The following CRYBG3 variants were observed in gnomAD, a reference collection of about 807,000 sequenced individuals.
CRYBG3 encodes the protein very large A-kinase anchor protein.
A neutral mutation model predicts 244.2 loss-of-function variants in CRYBG3; 127 were observed. The ratio of observed to expected loss-of-function variants is 0.52; its 90% confidence interval spans 0.45 to 0.60. The LOEUF is 0.60. Ranked by LOEUF, CRYBG3 falls within the 20% of genes least tolerant of loss-of-function variation. The pLI, the probability that CRYBG3 is intolerant of heterozygous loss-of-function variation, is 0.00. For synonymous variants in CRYBG3, 1,132 were observed against 1,195.8 expected (o/e 0.95, Z 1.10); for missense variants, 3,325 against 3,442.5 (o/e 0.97, Z 0.85).
At chr3:97,871,733 A>T (rs2039304947) in intron 3 of CRYBG3, 109 bp from the exon 4 acceptor site, 1 of 695,476 alleles carries the variant, frequency 1.4e-6, no homozygotes, top group South Asian at 2.6e-5. Flanking sequence ...AAATTGGTAC[A>T]TATTAAGGGA....
chr3:97,910,543 CAG>C (rs1001158630), intron 15 of CRYBG3, among the ~76,000 whole-genome samples: 77 of 152,326 alleles, frequency 5.1e-4, no homozygotes, highest in African/African-American at 1.5e-3. Context: ...TTCTTTGACT[CAG>C]AAAGGGAACT....
rs1251574587 is a variant in CRYBG3 at position 97,906,143 on chromosome 3, T to C, written c.8004+5658T>C. On this transcript the variant is annotated intron_variant, in intron 15 of 21. Coordinates refer to ENST00000389622, the MANE Select transcript of CRYBG3 (RefSeq NM_153605.4). ...ACCAGTACCATACTGTTTTGGTTAC[T>C]GTAGCCTTGTAGTATCGTTTGAAGT... Among the ~76,000 whole-genome samples the C allele has an allele frequency of 2.7e-5, 4 of 149,952 alleles. No individual in the cohort carries two copies. In the East Asian group the frequency reaches 8.0e-4, roughly 30 times the overall value.
rs1298811028 is a variant in CRYBG3, at chr3:97,872,155, C to G, written c.961C>G (p.Pro321Ala). 2 of 1,535,702 alleles carry G rather than the reference C, an allele frequency of 1.3e-6. No homozygotes were observed. Among genetic ancestry groups the G allele is most frequent in the African/African-American group, 1.4e-5 (1 of 72,980 alleles). ...FNKENSLTNNPELQNIASSNN... is the reference protein window; with the variant it reads ...FNKENSLTNNAELQNIASSNN... ...CAAGGAAAATTCTTTGACAAATAAC[C>G]CAGAACTGCAGAATATTGCCTCTTC... Residue 321 changes from proline to alanine, a missense_variant, in exon 4 of 22, where the codon CCA becomes GCA. Around this residue, in one of 4 missense-constraint regions of CRYBG3, gnomAD observed 1,526 missense variants for 1,443.2 expected, o/e 1.06. Coordinates refer to ENST00000389622, the MANE Select transcript of CRYBG3 (RefSeq NM_153605.4).
intron 2 of CRYBG3, among the ~76,000 whole-genome samples, chr3:97,855,209 CT>C (rs1404001312): frequency 6.6e-6 from 1 of 151,916 alleles, no homozygotes; most frequent in Non-Finnish European, 1.5e-5. Flanking sequence ...GGTATATAAT[CT>C]TTTTTATGTG....
Position 97,872,622 on chromosome 3 carries a change from C to G in CRYBG3, c.1428C>G (p.Asp476Glu). The G allele has an allele frequency of 6.5e-7, 1 of 1,535,930 alleles. No individual in the cohort carries two copies. The highest frequency in any genetic ancestry group is 8.7e-7 in the Non-Finnish European group (1 of 1,146,806). The change falls in exon 4 of 22, where the codon GAC (aspartate) becomes GAG (glutamate). Residue 476 changes from aspartate to glutamate, a missense_variant. Physicochemically the swap from Asp to Glu is conservative, Grantham distance 45 (BLOSUM62 2). This residue lies in a region of CRYBG3 where 1,526 missense variants were observed against 1,443.2 expected (regional missense o/e 1.06). Transcript: ENST00000389622. ...HLQLPESECS[D>E]KQTIDSSSKQ... ...AGTTGCCAGAGAGTGAGTGTTCTGACAAGCAAACCATAGATAGCTCATCAA... is the reference window on the plus strand; with the variant it reads ...AGTTGCCAGAGAGTGAGTGTTCTGAGAAGCAAACCATAGATAGCTCATCAA...
At chr3:97,884,175 G>A (rs935373690) in intron 7 of CRYBG3, among the ~76,000 whole-genome samples, 10 of 152,128 alleles carry the variant, frequency 6.6e-5, no homozygotes, top group African/African-American at 2.2e-4. Flanking sequence ...GGATTGACAG[G>A]TATAGCGAAT....
chr3:97,880,966 G>C, intron 6 of CRYBG3, 106 bp from the exon 7 acceptor site: 1 of 782,280 alleles, frequency 1.3e-6, no homozygotes, highest in Middle Eastern at 3.1e-4. Context: ...AATAGTGGAA[G>C]ATATCCCAGC....
At chr3:97,870,815 A>T (rs761603337) in intron 3 of CRYBG3, among the ~76,000 whole-genome samples, 9 of 152,328 alleles carry the variant, frequency 5.9e-5, no homozygotes, top group Admixed American at 2.6e-4. Context: ...AAACAGAAAG[A>T]TGATTAGGAC....
rs111909050 is a variant in CRYBG3 at position 97,883,365 on chromosome 3, A to G, written c.7152+2146A>G. Reference sequence around the variant, plus strand: ...AAAATGACTAGTTAGTTCGTAACTGAACTCTTCTAAGATTTATATCACTTG... The same window carrying G: ...AAAATGACTAGTTAGTTCGTAACTGGACTCTTCTAAGATTTATATCACTTG... On this transcript the variant is annotated intron_variant, in intron 7 of 21. Transcript: ENST00000389622. Among the ~76,000 whole-genome samples, 9 of 152,318 alleles carry G rather than the reference A, an allele frequency of 5.9e-5. 1 individual carries two copies. The highest frequency in any genetic ancestry group is 2.2e-4 in the African/African-American group (9 of 41,574).
chr3:97,843,824 A>T (rs1469422545), intron 2 of CRYBG3, among the ~76,000 whole-genome samples: 3 of 152,166 alleles, frequency 2.0e-5, no homozygotes, highest in Admixed American at 2.0e-4. Flanking sequence ...AAAATCACTA[A>T]ACCTTTTGAT....
chr3:97,874,831 G>A lies in CRYBG3; in HGVS notation c.3637G>A (p.Glu1213Lys), dbSNP rs1357613514. 6.5e-7 allele frequency: 1 copy of A among 1,535,922 alleles called. No homozygotes were observed. Among genetic ancestry groups the A allele is most frequent in the East Asian group, 2.4e-5 (1 of 40,914 alleles). Residue 1213 changes from glutamate to lysine, a missense_variant, in exon 4 of 22, where the codon GAA (glutamate) becomes AAA (lysine). This residue lies in a region of CRYBG3 where 1,526 missense variants were observed against 1,443.2 expected (regional missense o/e 1.06). Coordinates refer to ENST00000389622, the MANE Select transcript of CRYBG3 (RefSeq NM_153605.4). The part of the protein sequence containing the change: ...LIGEIFNSVR[E>K]ELKFKHTVST... ...TGGTGAGATTTTTAATTCTGTCAGG[G>A]AAGAACTAAAATTCAAACACACAGT...
chr3:97,825,214 G>A (rs1430053397), intron 1 of CRYBG3, among the ~76,000 whole-genome samples: 1 of 152,188 alleles, frequency 6.6e-6, no homozygotes, highest in Non-Finnish European at 1.5e-5. Flanking sequence ...AAGGCTCAGA[G>A]AATTTTTGCA....
At chr3:97,871,350 TA>T (rs1426702095) in intron 3 of CRYBG3, among the ~76,000 whole-genome samples, 1 of 152,214 alleles carries the variant, frequency 6.6e-6, no homozygotes, top group Non-Finnish European at 1.5e-5. Flanking sequence ...TGTTTTCATT[TA>T]AAACGTTTCC....
chr3:97,843,393 C>G, intron 2 of CRYBG3, 132 bp downstream of exon 2: 1 of 610,134 alleles, frequency 1.6e-6, no homozygotes, highest in Non-Finnish European at 2.8e-6. Context: ...GAAATCCAGC[C>G]CAACTTTGTC....
Position 97,822,251 on chromosome 3 carries a change from C to T in CRYBG3, c.45C>T (p.Phe15=). Residue 15 remains phenylalanine (F), a synonymous_variant, in exon 1 of 22, where the codon TTC becomes TTT. Coordinates refer to ENST00000389622, the MANE Select transcript of CRYBG3 (RefSeq NM_153605.4). The part of the protein sequence containing the change: ...RRRGSAPWHS[F]SRFFAPRSPS... ...GGGGCAGCGCCCCCTGGCACAGCTT[C>T]TCCCGGTTCTTCGCTCCCCGAAGTC... 1 of 1,531,120 alleles carries T rather than the reference C, an allele frequency of 6.5e-7. No individual in the cohort carries two copies. Among genetic ancestry groups the T allele is most frequent in the South Asian group, 1.2e-5 (1 of 83,410 alleles). 94.8% of individuals were successfully genotyped at this position (1,531,120 alleles called of 1,614,324 possible).
chr3:97,841,618 GAC>G (rs980024736), intron 1 of CRYBG3, among the ~76,000 whole-genome samples: 13 of 152,062 alleles, frequency 8.5e-5, no homozygotes, highest in African/African-American at 2.4e-4. Flanking sequence ...TCCGCTTTGG[GAC>G]AGCCTTTATT....
rs1351323553 is a variant in CRYBG3, at chr3:97,919,590, C to A, written c.8241+3854C>A. ...TTGCTTAACAGTGATTACAAGAAGA[C>A]CTTTTAAGATGAAAAAGATTGAATA... On this transcript the variant is annotated intron_variant, in intron 17 of 21. Coordinates refer to ENST00000389622, the MANE Select transcript of CRYBG3 (RefSeq NM_153605.4). Among the ~76,000 whole-genome samples the A allele has an allele frequency of 2.0e-5, 3 of 151,434 alleles. 1 individual carries two copies. In the East Asian group the frequency reaches 5.8e-4, roughly 29 times the overall value.
chr3:97,891,851 G>A (rs2108232807), intron 10 of CRYBG3, among the ~76,000 whole-genome samples: 1 of 152,216 alleles, frequency 6.6e-6, no homozygotes, highest in South Asian at 2.1e-4. Context: ...AAGCTTCCCT[G>A]GGTGTTTTTC....
rs1046204996 is a variant in CRYBG3 at position 97,876,213 on chromosome 3, G to T, written c.5019G>T (p.Thr1673=). 18 of 1,231,830 alleles carry T rather than the reference G, an allele frequency of 1.5e-5. No homozygotes were observed. Among genetic ancestry groups the T allele is most frequent in the Non-Finnish European group, 1.6e-5 (16 of 987,914 alleles). The allele number at this position is 1,231,830 out of a possible 1,614,324, so 76.3% of individuals were successfully genotyped here. A position where few individuals can be genotyped will look rare whatever the true frequency, so the allele number is the denominator to read the frequency against. The change falls in exon 4 of 22, where the codon ACG becomes ACT. Residue 1673 remains threonine, a synonymous_variant. Coordinates refer to ENST00000389622, the MANE Select transcript of CRYBG3 (RefSeq NM_153605.4). The part of the protein sequence containing the change: ...VTVDMENIYQ[T]HAEGDIGKTG... ...TAGACATGGAAAATATTTACCAAAC[G>T]CATGCTGAAGGGGATATTGGCAAGA... is the stretch of plus-strand genomic sequence containing the variant.
Sources: gnomAD v4.1 joint callset for allele counts (sites outside exome capture counted in the v4.1 genomes callset) on GRCh38, gnomAD v4.1.1 for gene constraint, gnomAD v4.1.1 regional missense constraint, MANE v1.5 for transcripts, NCBI Gene and HGNC (gene_info 2026-07-23, HGNC 2026-07-21) for gene names.